The following FAM180A variants were observed in gnomAD, a reference collection of about 807,000 sequenced individuals.
The protein encoded by FAM180A is protein FAM180A.
Under a neutral mutation model 15.3 loss-of-function variants are expected in FAM180A, and 14 were observed. That is an observed-to-expected ratio of 0.92 (90% CI 0.61 to 1.43). FAM180A has a LOEUF of 1.43. Among genes scored for constraint, FAM180A ranks in the 40% most tolerant of loss-of-function variants. The pLI is 0.00. For missense variants in FAM180A, 200 were observed against 220.8 expected (o/e 0.91, Z 0.60); for synonymous variants, 90 against 96.8 (o/e 0.93, Z 0.41).
chr7:135,730,494 C>T (rs1295625775), intron 3 of FAM180A, among the ~76,000 whole-genome samples: 2 of 152,080 alleles, frequency 1.3e-5, no homozygotes, highest in Non-Finnish European at 2.9e-5. Context: ...CACTGCACTC[C>T]AGCCTGGGTG....
intron 3 of FAM180A, among the ~76,000 whole-genome samples, chr7:135,730,591 A>C (rs1009648219): frequency 2.0e-5 from 3 of 152,214 alleles, no homozygotes; most frequent in Non-Finnish European, 4.4e-5. Flanking sequence ...TTGTCAGCAG[A>C]AATGGTTACA....
chr7:135,742,400 G>A (rs1015955487), intron 1 of FAM180A, among the ~76,000 whole-genome samples: 21 of 152,214 alleles, frequency 1.4e-4, no homozygotes, highest in African/African-American at 5.1e-4. Context: ...TGCAAAGCTG[G>A]AAACTAGACT....
chr7:135,736,726 C>T (rs74563285), intron 2 of FAM180A, among the ~76,000 whole-genome samples: 6 of 152,198 alleles, frequency 3.9e-5, no homozygotes, highest in African/African-American at 1.2e-4. Context: ...CTTGGAGACA[C>T]GGCTGCACCC....
At position 135,730,228 on chromosome 7, in the gene FAM180A, A is replaced by G; in HGVS notation, c.*383T>C. ...GGAGATAGCTGTGAGGATGCCAACG[A>G]TGGAGGAAACTTAGAAAGTTTTTAG... On this transcript the variant is annotated 3_prime_UTR_variant, in exon 4 of 4. Transcript: ENST00000338588. 1 of 985,382 alleles carries G rather than the reference A, an allele frequency of 1.0e-6. No individual in the cohort carries two copies. The highest frequency in any genetic ancestry group is 1.2e-6 in the Non-Finnish European group (1 of 829,930). 61.0% of individuals were successfully genotyped at this position (985,382 alleles called of 1,614,324 possible).
At chr7:135,732,464 G>A (rs554071010) in intron 3 of FAM180A, among the ~76,000 whole-genome samples, 10 of 152,292 alleles carry the variant, frequency 6.6e-5, no homozygotes, top group Non-Finnish European at 1.2e-4. Flanking sequence ...AGCCTGAGGC[G>A]GGTGGATCAC....
intron 3 of FAM180A, among the ~76,000 whole-genome samples, chr7:135,733,377 C>T (rs1184944487): frequency 5.9e-5 from 9 of 152,112 alleles, no homozygotes; most frequent in African/African-American, 9.7e-5. Context: ...GACAGAATCT[C>T]GCTCTGTTCC....
At chr7:135,741,801 C>T (rs1370161393) in intron 1 of FAM180A, among the ~76,000 whole-genome samples, 19 of 146,552 alleles carry the variant, frequency 1.3e-4, no homozygotes, top group Admixed American at 6.8e-5. Context: ...CTAGCCTGGG[C>T]GATAGAGTGA....
Position 135,729,655 on chromosome 7 carries a change from A to G in FAM180A, c.*956T>C, listed in dbSNP as rs546954867. ...CATAGATGAATATTTGTTAAATAAAAATAGGTACAGCAAGTGTACAATAAG... is the reference window on the plus strand; with the variant it reads ...CATAGATGAATATTTGTTAAATAAAGATAGGTACAGCAAGTGTACAATAAG... On this transcript the variant is annotated 3_prime_UTR_variant, in exon 4 of 4. Coordinates refer to ENST00000338588, the MANE Select transcript of FAM180A (RefSeq NM_205855.4). The G allele has an allele frequency of 1.6e-4, 161 of 982,238 alleles. 1 individual carries two copies. In the African/African-American group the frequency reaches 2.7e-3, roughly 16 times the overall value. The allele number at this position is 982,238 out of a possible 1,614,324, so 60.8% of individuals were successfully genotyped here.
At chr7:135,747,662 C>T (rs1797050209) in intron 1 of FAM180A, among the ~76,000 whole-genome samples, 1 of 152,118 alleles carries the variant, frequency 6.6e-6, no homozygotes, top group Non-Finnish European at 1.5e-5. Flanking sequence ...TCTAGAAACA[C>T]CTACTGGCCT....
At chr7:135,744,806 C>T (rs1401452925) in intron 1 of FAM180A, among the ~76,000 whole-genome samples, 5 of 152,200 alleles carry the variant, frequency 3.3e-5, no homozygotes, top group Non-Finnish European at 7.3e-5. Flanking sequence ...ATTTTCTAAC[C>T]TGTAAATGGT....
intron 1 of FAM180A, among the ~76,000 whole-genome samples, chr7:135,747,256 A>G (rs1797043665): frequency 6.6e-6 from 1 of 152,130 alleles, no homozygotes; most frequent in African/African-American, 2.4e-5. Flanking sequence ...GGCCCCATAA[A>G]TATGTATACC....
chr7:135,730,926 C>T (rs1424572285), intron 3 of FAM180A, among the ~76,000 whole-genome samples: 1 of 151,306 alleles, frequency 6.6e-6, no homozygotes, highest in Non-Finnish European at 1.5e-5. Context: ...AATGAGTCTT[C>T]ATTTGTCTTT....
At chr7:135,746,044 C>T (rs1377983007) in intron 1 of FAM180A, among the ~76,000 whole-genome samples, 1 of 151,942 alleles carries the variant, frequency 6.6e-6, no homozygotes, top group Non-Finnish European at 1.5e-5. Context: ...ACGCGGAAGA[C>T]ATTTGATGAT....
At position 135,729,914 on chromosome 7, in the gene FAM180A, G is replaced by A; in HGVS notation, c.*697C>T. 1.4e-6 allele frequency: 1 copy of A among 738,834 alleles called. No individual in the cohort carries two copies. The highest frequency in any genetic ancestry group is 1.7e-6 in the Non-Finnish European group (1 of 604,994). 45.8% of individuals were successfully genotyped at this position (738,834 alleles called of 1,614,324 possible). A position where few individuals can be genotyped will look rare whatever the true frequency, so the allele number is the denominator to read the frequency against. On this transcript the variant is annotated 3_prime_UTR_variant, in exon 4 of 4. Transcript: ENST00000338588. The stretch of plus-strand genomic sequence containing the variant: ...AACTTCAGAATTACAAGATGAGAAA[G>A]TTCCGGGGGTCTGTTTCACAACATG...
In FAM180A at chr7:135,743,050, T is replaced by A. The variant is rs73723904; in HGVS notation, c.76+5455A>T. Among the ~76,000 whole-genome samples, 436 of 152,338 alleles carry A rather than the reference T, an allele frequency of 2.9e-3. 1 individual carries two copies. Among genetic ancestry groups the A allele is most frequent in the African/African-American group, 0.01 (419 of 41,578 alleles). On this transcript the variant is annotated intron_variant, in intron 1 of 3. Transcript: ENST00000338588. ...ACAGAAAGGATAAATGGTAGTTAGTTATGAATGAATGAATGCCTATGCATT... is the reference window on the plus strand; with the variant it reads ...ACAGAAAGGATAAATGGTAGTTAGTAATGAATGAATGAATGCCTATGCATT...
chr7:135,729,998 C>G lies in FAM180A; in HGVS notation c.*613G>C, dbSNP rs10227032. On this transcript the variant is annotated 3_prime_UTR_variant, in exon 4 of 4. Coordinates refer to ENST00000338588, the MANE Select transcript of FAM180A (RefSeq NM_205855.4). ...AAATGGTTAAGATGGTACATTTTACCTGATGTGTTTTTTACCACAATAAAA... is the reference window on the plus strand; with the variant it reads ...AAATGGTTAAGATGGTACATTTTACGTGATGTGTTTTTTACCACAATAAAA... 458,545 of 967,004 alleles carry G rather than the reference C, an allele frequency of 0.47. 109,138 individuals are homozygous for G. Among genetic ancestry groups the G allele is most frequent in the Middle Eastern group, 0.54 (1,018 of 1,880 alleles). The allele number at this position is 967,004 out of a possible 1,614,324, so 59.9% of individuals were successfully genotyped here.
At position 135,737,161 on chromosome 7, in the gene FAM180A, AGGACCTCTTT is replaced by A; in HGVS notation, c.105_114del (p.Lys36HisfsTer5). The A allele has an allele frequency of 6.2e-7, 1 of 1,610,774 alleles. No homozygotes were observed. Among genetic ancestry groups the A allele is most frequent in the Non-Finnish European group, 8.5e-7 (1 of 1,179,020 alleles). Reference sequence around the variant, plus strand: ...AGGACTGGGTTCAATGGCAGTGATGAGGACCTCTTTGGCCGGTGGGCGGCAGGGAAGAGCA... The same window carrying A: ...AGGACTGGGTTCAATGGCAGTGATGAGGCCGGTGGGCGGCAGGGAAGAGCA... On this transcript the variant is annotated frameshift_variant, in exon 2 of 4. Coordinates refer to ENST00000338588, the MANE Select transcript of FAM180A (RefSeq NM_205855.4). LOFTEE classifies it high-confidence loss of function.
At chr7:135,732,566 G>A (rs778621783) in intron 3 of FAM180A, among the ~76,000 whole-genome samples, 5 of 152,104 alleles carry the variant, frequency 3.3e-5, no homozygotes, top group Middle Eastern at 3.4e-3. Flanking sequence ...GGTGGTGCGC[G>A]CCTATAGTCC....
chr7:135,730,279 C>T lies in FAM180A; in HGVS notation c.*332G>A, dbSNP rs769387139. The T allele has an allele frequency of 3.0e-4, 293 of 984,646 alleles. 3 individuals are homozygous for T. Among genetic ancestry groups the T allele is most frequent in the East Asian group, 2.3e-4 (2 of 8,814 alleles). 61.0% of individuals were successfully genotyped at this position (984,646 alleles called of 1,614,324 possible). On this transcript the variant is annotated splice_region_variant and 3_prime_UTR_variant, in exon 4 of 4. Transcript: ENST00000338588. ...ATCCTGGGCCAGGCACGGTGGCTCA[C>T]GCCTGTAATCCTAGCATTTTGGGAG...
Sources: allele counts gnomAD v4.1 joint callset (sites outside exome capture counted in the v4.1 genomes callset), GRCh38; gene constraint gnomAD v4.1.1; transcripts MANE v1.5; gene names NCBI Gene and HGNC (gene_info 2026-07-23, HGNC 2026-07-21).